The following XKR9 variants were observed in gnomAD, a reference collection of about 807,000 sequenced individuals.
XKR9 encodes the protein XK-related protein 9.
Under a neutral mutation model 32.0 loss-of-function variants are expected in XKR9, and 32 were observed. The observed-to-expected ratio is 1.00, with a 90% CI of 0.76 to 1.34. The LOEUF (loss-of-function observed/expected upper bound fraction) is 1.34, where lower values mean the gene tolerates loss of function less well. Among genes scored for constraint, XKR9 ranks in the 40% most tolerant of loss-of-function variants. The pLI is 0.00. For missense variants in XKR9, 546 were observed against 429.7 expected (o/e 1.27, Z -2.39); for synonymous variants, 168 against 143.4 (o/e 1.17, Z -1.22).
the XKR9 span, among the ~76,000 whole-genome samples, chr8:70,897,009 C>A: frequency 3.3e-5 from 5 of 151,750 alleles, no homozygotes; most frequent in Non-Finnish European, 5.9e-5. Context: ...ATGGACCATC[C>A]CCCCTTCTTC....
the XKR9 span, among the ~76,000 whole-genome samples, chr8:70,866,051 G>A: frequency 6.6e-6 from 1 of 152,184 alleles, no homozygotes; most frequent in South Asian, 2.1e-4. Flanking sequence ...TTTTACTTTA[G>A]AAGGAATGAC....
the XKR9 span, among the ~76,000 whole-genome samples, chr8:70,960,248 C>G: frequency 2.3e-5 from 3 of 132,136 alleles, no homozygotes; most frequent in Non-Finnish European, 3.6e-5. Flanking sequence ...TCCGTCCCCC[C>G]CAAAAAAAAA....
the XKR9 span, among the ~76,000 whole-genome samples, chr8:71,027,786 G>T: frequency 1.5e-4 from 23 of 149,820 alleles, 1 homozygote; most frequent in African/African-American, 2.2e-4. Flanking sequence ...TGGCGGGGGG[G>T]GGGGGTCTCA....
At chr8:70,750,911 A>C (rs1807130537) in intron 2 of XKR9, among the ~76,000 whole-genome samples, 1 of 151,650 alleles carries the variant, frequency 6.6e-6, no homozygotes, top group South Asian at 2.1e-4. Flanking sequence ...GATGAGATTA[A>C]TATTTAAACG....
the XKR9 span, among the ~76,000 whole-genome samples, chr8:70,908,557 C>G: frequency 6.6e-6 from 1 of 152,128 alleles, no homozygotes; most frequent in Admixed American, 6.5e-5. Flanking sequence ...GCAACTTTTC[C>G]TGTAAGGAAT....
the XKR9 span, among the ~76,000 whole-genome samples, chr8:70,884,449 T>C: frequency 6.6e-6 from 1 of 152,228 alleles, no homozygotes; most frequent in East Asian, 1.9e-4. Context: ...CATTATCACC[T>C]ATCCCAACAT....
intron 2 of XKR9, among the ~76,000 whole-genome samples, chr8:70,760,615 C>T (rs957567381): frequency 1.5e-4 from 23 of 152,192 alleles, no homozygotes; most frequent in African/African-American, 5.3e-4. Context: ...AGGCAGGTGC[C>T]ACTATGCCTG....
chr8:70,941,638 T>C, the XKR9 span, among the ~76,000 whole-genome samples: 13 of 152,144 alleles, frequency 8.5e-5, no homozygotes, highest in Non-Finnish European at 1.8e-4. Flanking sequence ...GGAACTGAGT[T>C]TCTTTGGAAA....
the XKR9 span, among the ~76,000 whole-genome samples, chr8:70,837,792 A>G: frequency 2.0e-5 from 3 of 152,126 alleles, no homozygotes; most frequent in East Asian, 1.9e-4. Flanking sequence ...TGGGAAGGCC[A>G]TGGAAAATGT....
the XKR9 span, among the ~76,000 whole-genome samples, chr8:70,921,188 C>A: frequency 6.6e-6 from 1 of 152,204 alleles, no homozygotes; most frequent in East Asian, 1.9e-4. Context: ...AACAATTCCT[C>A]GAGTGCTGAG....
At chr8:70,925,874 C>G in the XKR9 span, among the ~76,000 whole-genome samples, 7 of 152,092 alleles carry the variant, frequency 4.6e-5, no homozygotes, top group Admixed American at 4.6e-4. Context: ...CAAAAAGTAT[C>G]TAGTAAACTA....
chr8:70,925,425 T>G, the XKR9 span, among the ~76,000 whole-genome samples: 2 of 152,192 alleles, frequency 1.3e-5, no homozygotes, highest in African/African-American at 4.8e-5. Context: ...CATGTGGCAA[T>G]CAGAATACTC....
the XKR9 span, among the ~76,000 whole-genome samples, chr8:70,884,276 T>C: frequency 6.6e-6 from 1 of 152,150 alleles, no homozygotes; most frequent in Non-Finnish European, 1.5e-5. Flanking sequence ...TATTTGGATA[T>C]TAATCCTTTA....
chr8:71,028,649 G>T, the XKR9 span, among the ~76,000 whole-genome samples: 1 of 152,026 alleles, frequency 6.6e-6, no homozygotes, highest in Non-Finnish European at 1.5e-5. Flanking sequence ...AAAATGTGAG[G>T]TAATAGATGT....
chr8:70,734,066 C>G lies in XKR9; in HGVS notation c.764C>G (p.Thr255Ser), dbSNP rs751051310. 1.2e-6 allele frequency: 2 copies of G among 1,612,872 alleles called. No homozygotes were observed. The highest frequency in any genetic ancestry group is 1.7e-6 in the Non-Finnish European group (2 of 1,179,246). ...TTTAAAAACAACACCCAGTTTTGTA[C>G]TTGTATAAGTATGGAATTCTTATAT... ...WAFKNNTQFC[T>S]CISMEFLYRI... The change falls in exon 5 of 5, where the codon ACT becomes AGT. Residue 255 changes from threonine (T) to serine (S), a missense_variant. Coordinates refer to ENST00000408926, the MANE Select transcript of XKR9 (RefSeq NM_001011720.2).
the XKR9 span, among the ~76,000 whole-genome samples, chr8:70,824,448 A>G: frequency 6.6e-6 from 1 of 152,054 alleles, no homozygotes; most frequent in African/African-American, 2.4e-5. Context: ...TGGCCTAAAA[A>G]TCCTATTCCT....
chr8:70,833,658 C>T, the XKR9 span, among the ~76,000 whole-genome samples: 3 of 152,138 alleles, frequency 2.0e-5, no homozygotes, highest in African/African-American at 2.4e-5. Context: ...CTGATGCCCA[C>T]GGCCTACCTC....
At chr8:70,752,237 A>C (rs1287487139) in intron 2 of XKR9, among the ~76,000 whole-genome samples, 1 of 152,180 alleles carries the variant, frequency 6.6e-6, no homozygotes, top group Non-Finnish European at 1.5e-5. Context: ...CTTCTTTAAA[A>C]CACAACATTT....
At chr8:70,879,432 G>T in the XKR9 span, among the ~76,000 whole-genome samples, 2 of 152,064 alleles carry the variant, frequency 1.3e-5, no homozygotes, top group Non-Finnish European at 2.9e-5. Flanking sequence ...AAGAAGAAAA[G>T]AGAGAAGAAT....
Sources: gnomAD v4.1 joint callset for allele counts (sites outside exome capture counted in the v4.1 genomes callset) on GRCh38, gnomAD v4.1.1 for gene constraint, MANE v1.5 for transcripts, NCBI Gene and HGNC (gene_info 2026-07-23, HGNC 2026-07-21) for gene names.